Variants in GFI1B observed in about 807,000 individuals in gnomAD.
GFI1B encodes the protein zinc finger protein Gfi-1b.
Under a neutral mutation model 35.3 loss-of-function variants are expected in GFI1B, and 20 were observed. That is an observed-to-expected ratio of 0.57 (90% CI 0.40 to 0.82). The LOEUF is 0.82. Among genes scored for constraint, GFI1B ranks in the 40% least tolerant of loss-of-function variants. GFI1B has a pLI of 0.00. For missense variants in GFI1B, 430 were observed against 446.3 expected (o/e 0.96, Z 0.33); for synonymous variants, 178 against 177.6 (o/e 1.00, Z -0.02).
intron 1 of GFI1B, among the ~76,000 whole-genome samples, chr9:132,986,089 A>C (rs1849046349): frequency 6.6e-6 from 1 of 152,218 alleles, no homozygotes; most frequent in African/African-American, 2.4e-5. Context: ...TGCCGTAACA[A>C]AATAGCACAA....
At chr9:132,979,429 G>A (rs1468855762) in intron 1 of GFI1B, among the ~76,000 whole-genome samples, 2 of 151,800 alleles carry the variant, frequency 1.3e-5, no homozygotes, top group African/African-American at 4.8e-5. Flanking sequence ...TAGTAGAGAC[G>A]GGTTTCACCA....
chr9:132,949,321 A>G (rs1054008653), intron 1 of GFI1B, among the ~76,000 whole-genome samples: 9 of 149,318 alleles, frequency 6.0e-5, no homozygotes, highest in African/African-American at 2.2e-4. Context: ...CCAAACCCAC[A>G]GATACACACA....
rs371395428 is a variant in GFI1B, at chr9:132,989,757, T to C, written c.664T>C (p.Cys222Arg). 1.3e-5 allele frequency: 21 copies of C among 1,613,976 alleles called. No individual in the cohort carries two copies. The highest frequency in any genetic ancestry group is 1.8e-5 in the Non-Finnish European group (21 of 1,179,946). The change falls in exon 6 of 7, where the codon TGC (cysteine) becomes CGC (arginine). Residue 222 changes from cysteine to arginine, a missense_variant. Coordinates refer to ENST00000372122, the MANE Select transcript of GFI1B (RefSeq NM_001377304.1). This position sits in a 1 kb window ranked among gnomAD's most constrained non-coding sequence, Gnocchi z 6.2. ...HVHSQERSFE[C>R]RMCGKAFKRS... ...CCTCCGGCAGGAGCGCAGCTTCGAG[T>C]GCCGCATGTGCGGCAAGGCCTTCAA...
chr9:132,980,226 G>A (rs1242269117), intron 1 of GFI1B, among the ~76,000 whole-genome samples: 3 of 151,876 alleles, frequency 2.0e-5, no homozygotes, highest in African/African-American at 7.2e-5. Context: ...GCAGGGTAGG[G>A]TGGGTGGGAA....
chr9:132,970,453 G>GCACA (rs1312652049), intron 1 of GFI1B, among the ~76,000 whole-genome samples: 4 of 152,282 alleles, frequency 2.6e-5, no homozygotes, highest in African/African-American at 7.2e-5. Flanking sequence ...ACGCACGCAC[G>GCACA]CACACAGAGA....
chr9:132,980,664 C>T (rs1449239180), intron 1 of GFI1B, among the ~76,000 whole-genome samples: 1 of 152,182 alleles, frequency 6.6e-6, no homozygotes, highest in Non-Finnish European at 1.5e-5. Flanking sequence ...ATACCTATTA[C>T]ACAGTAACTT....
intron 1 of GFI1B, among the ~76,000 whole-genome samples, chr9:132,964,088 A>G (rs1477548032): frequency 6.6e-6 from 1 of 152,130 alleles, no homozygotes; most frequent in African/African-American, 2.4e-5. Context: ...TAAAAATACA[A>G]AATTAGCTGG....
intron 1 of GFI1B, among the ~76,000 whole-genome samples, chr9:132,970,472 G>A (rs1048998264): frequency 6.6e-6 from 1 of 152,146 alleles, no homozygotes; most frequent in Non-Finnish European, 1.5e-5. Flanking sequence ...GAGAGAGCTT[G>A]TTGGGAAGAG....
chr9:132,973,022 C>T (rs1848557112), intron 2 of GFI1B, among the ~76,000 whole-genome samples: 1 of 152,256 alleles, frequency 6.6e-6, no homozygotes, highest in Admixed American at 6.5e-5. Flanking sequence ...CGGGACAGAG[C>T]CAGCAGGCAC....
intron 1 of GFI1B, among the ~76,000 whole-genome samples, chr9:132,980,783 T>C (rs1411426): frequency 0.55 from 82,947 of 152,126 alleles, 23,156 homozygotes; most frequent in Middle Eastern, 0.74. Flanking sequence ...CCTTTTGTGA[T>C]TGGCTTATTT....
rs1032563679 is a variant in GFI1B at position 132,989,319 on chromosome 9, G to C, written c.648+121G>C. ...CCTGGGGGTGACACAGATTGGGAGG[G>C]GTCCCCTAGTACCCACCTCCCTGGG... On this transcript the variant is annotated intron_variant, in intron 5 of 6. Coordinates refer to ENST00000372122, the MANE Select transcript of GFI1B (RefSeq NM_001377304.1). The surrounding 1 kb of genome is among the most constrained non-coding windows in gnomAD (Gnocchi z 6.2). 1 of 996,276 alleles carries C rather than the reference G, an allele frequency of 1.0e-6. No homozygotes were observed. Among genetic ancestry groups the C allele is most frequent in the African/African-American group, 1.6e-5 (1 of 63,116 alleles). The allele number at this position is 996,276 out of a possible 1,614,324, so 61.7% of individuals were successfully genotyped here.
intron 1 of GFI1B, among the ~76,000 whole-genome samples, chr9:132,956,856 G>T (rs1048191380): frequency 6.6e-6 from 1 of 152,204 alleles, no homozygotes; most frequent in Non-Finnish European, 1.5e-5. Context: ...TGGTGCTACA[G>T]TCATCCCAAG....
At chr9:132,947,613 A>G (rs545591262) in intron 1 of GFI1B, among the ~76,000 whole-genome samples, 7 of 151,882 alleles carry the variant, frequency 4.6e-5, no homozygotes, top group African/African-American at 1.7e-4. Flanking sequence ...GTTCGAGACC[A>G]GCCTGGCCAA....
rs555240709 is a variant in GFI1B, at chr9:132,991,454, G to A, written c.*404G>A. The A allele has an allele frequency of 1.6e-4, 35 of 224,200 alleles. No individual in the cohort carries two copies. The highest frequency in any genetic ancestry group is 1.4e-3 in the Admixed American group (27 of 19,242). 13.9% of individuals were successfully genotyped at this position (224,200 alleles called of 1,614,324 possible). A position where few individuals can be genotyped will look rare whatever the true frequency, so the allele number is the denominator to read the frequency against. On this transcript the variant is annotated 3_prime_UTR_variant, in exon 7 of 7. Transcript: ENST00000372122. ...GACCTGGTCACCTTGGATTTTAGCC[G>A]GCCTCTTTCTGGCTATAACAGGCAG...
At position 132,948,436 on chromosome 9, in the gene GFI1B, A is replaced by G. The variant is rs150834121; in HGVS notation, c.-701+2767A>G. Among the ~76,000 whole-genome samples, 179 of 152,336 alleles carry G rather than the reference A, an allele frequency of 1.2e-3. 1 individual carries two copies. The highest frequency in any genetic ancestry group is 4.2e-3 in the African/African-American group (173 of 41,568). ...AGCAATAACTATTTTGGCCAATGCT[A>G]GTTTCATTGGATTTCTGACCCTCAT... is the stretch of plus-strand genomic sequence containing the variant. On this transcript the variant is annotated intron_variant, in intron 1 of 10. Transcript: ENST00000339463.
At chr9:132,978,130 G>A (rs946205609), upstream of GFI1B, among the ~76,000 whole-genome samples, 1 of 151,282 alleles carries the variant, frequency 6.6e-6, no homozygotes, top group Non-Finnish European at 1.5e-5. Context: ...GCAGCGAGGA[G>A]GGAGGCAGGG....
At chr9:132,949,304 CAT>C (rs1554824078) in intron 1 of GFI1B, among the ~76,000 whole-genome samples, 2 of 129,682 alleles carry the variant, frequency 1.5e-5, no homozygotes, top group South Asian at 2.6e-4. Flanking sequence ...CACACACACA[CAT>C]CAAGCCAAAC....
downstream of GFI1B, among the ~76,000 whole-genome samples, chr9:132,993,162 C>T (rs3011264): frequency 0.57 from 86,597 of 151,934 alleles, 25,504 homozygotes; most frequent in Non-Finnish European, 0.63. Context: ...GGCATGGTGG[C>T]GCGTGCCTGT....
At chr9:132,990,698 G>A (rs1849263930) in intron 6 of GFI1B, among the ~76,000 whole-genome samples, 174 bp from the exon 7 acceptor site, 1 of 152,250 alleles carries the variant, frequency 6.6e-6, no homozygotes, top group Non-Finnish European at 1.5e-5. Context: ...GGTCCAAGTT[G>A]TATCTTTGCT....
Sources: allele counts gnomAD v4.1 joint callset (sites outside exome capture counted in the v4.1 genomes callset), GRCh38; gene constraint gnomAD v4.1.1; non-coding constraint Gnocchi (gnomAD v3.1); transcripts MANE v1.5; gene names NCBI Gene and HGNC (gene_info 2026-07-23, HGNC 2026-07-21).